AKAP7: variants seen among roughly 807,000 people sequenced by gnomAD.
The protein encoded by AKAP7 is A kinase (PRKA) anchor protein 7.
AKAP7 carries 39 observed loss-of-function variants against 39.5 expected under a neutral mutation model. The ratio of observed to expected loss-of-function variants is 0.99; its 90% confidence interval spans 0.76 to 1.29. The LOEUF (loss-of-function observed/expected upper bound fraction) is 1.29, where lower values mean the gene tolerates loss of function less well. AKAP7 is among the 50% of genes most tolerant of loss of function. The pLI is 0.00. For synonymous variants in AKAP7, 140 were observed against 139.1 expected (o/e 1.01, Z -0.05); for missense variants, 414 against 407.7 (o/e 1.02, Z -0.13).
chr6:131,227,520 G>GT (rs1447817432), intron 7 of AKAP7, among the ~76,000 whole-genome samples: 1 of 152,198 alleles, frequency 6.6e-6, no homozygotes, highest in Non-Finnish European at 1.5e-5. Context: ...CAAGGATGAT[G>GT]TTTAATACTC....
At chr6:131,164,903 A>G (rs1392714523) in intron 3 of AKAP7, among the ~76,000 whole-genome samples, 178 bp from the exon 4 acceptor site, 1 of 152,242 alleles carries the variant, frequency 6.6e-6, no homozygotes, top group Non-Finnish European at 1.5e-5. Context: ...AAGCTGTCCC[A>G]GTCAACTATC....
chr6:131,163,388 T>TA (rs1441180238), intron 3 of AKAP7, among the ~76,000 whole-genome samples: 1 of 152,250 alleles, frequency 6.6e-6, no homozygotes, highest in African/African-American at 2.4e-5. Flanking sequence ...TTAAACTACT[T>TA]ATGAGCTTTT....
At position 131,282,929 on chromosome 6, in the gene AKAP7, A is replaced by G. The variant is rs912722598; in HGVS notation, c.*1203A>G. Reference sequence around the variant, plus strand: ...GAACAAATCATTCACAAACAGAATAAAACAGAGCCAACAACAGTATTTTAA... The same window carrying G: ...GAACAAATCATTCACAAACAGAATAGAACAGAGCCAACAACAGTATTTTAA... On this transcript the variant is annotated 3_prime_UTR_variant, in exon 8 of 8. Coordinates refer to ENST00000431975, the MANE Select transcript of AKAP7 (RefSeq NM_016377.4). 3.0e-5 allele frequency: 6 copies of G among 202,280 alleles called. No homozygotes were observed. The highest frequency in any genetic ancestry group is 5.4e-5 in the Admixed American group (1 of 18,414). 12.5% of individuals were successfully genotyped at this position (202,280 alleles called of 1,614,324 possible).
chr6:131,132,883 A>T (rs1189714475), upstream of AKAP7, among the ~76,000 whole-genome samples: 1 of 152,202 alleles, frequency 6.6e-6, no homozygotes, highest in African/African-American at 2.4e-5. Flanking sequence ...AACCAGGTTT[A>T]TTTACATGGA....
At chr6:131,150,627 T>C (rs937582359) in intron 2 of AKAP7, among the ~76,000 whole-genome samples, 2 of 152,066 alleles carry the variant, frequency 1.3e-5, no homozygotes, top group African/African-American at 4.8e-5. Context: ...AATAAGAAAA[T>C]GAATAAAAAT....
At chr6:131,128,673 T>C in the AKAP7 span, among the ~76,000 whole-genome samples, 2 of 151,796 alleles carry the variant, frequency 1.3e-5, no homozygotes, top group African/African-American at 4.8e-5. Flanking sequence ...GAATACAAAA[T>C]TAGCCAGGCG....
the AKAP7 span, among the ~76,000 whole-genome samples, chr6:131,126,694 G>A: frequency 2.0e-5 from 3 of 152,144 alleles, no homozygotes; most frequent in Non-Finnish European, 4.4e-5. Flanking sequence ...TGCTCGTGGC[G>A]TGAATGGGCC....
At chr6:131,210,035 T>C (rs1808499986) in intron 6 of AKAP7, among the ~76,000 whole-genome samples, 3 of 152,234 alleles carry the variant, frequency 2.0e-5, no homozygotes, top group African/African-American at 7.2e-5. Flanking sequence ...ACTGGAAAGA[T>C]TGGCCAACCA....
intron 2 of AKAP7, among the ~76,000 whole-genome samples, chr6:131,145,707 A>G (rs975585936): frequency 1.3e-5 from 2 of 152,044 alleles, no homozygotes; most frequent in African/African-American, 4.8e-5. Context: ...GTGTGGCACC[A>G]TATGTGGCTA....
chr6:131,258,696 G>T (rs959675490), intron 7 of AKAP7, among the ~76,000 whole-genome samples: 1 of 152,134 alleles, frequency 6.6e-6, no homozygotes, highest in African/African-American at 2.4e-5. Context: ...AAAATATAAA[G>T]AATAAGTATA....
intron 7 of AKAP7, among the ~76,000 whole-genome samples, chr6:131,265,503 T>C (rs973460544): frequency 6.6e-6 from 1 of 152,158 alleles, no homozygotes; most frequent in South Asian, 2.1e-4. Flanking sequence ...AAGTGGGCCA[T>C]AGAGGGGCTG....
intron 2 of AKAP7, 66 bp downstream of exon 2, chr6:131,145,482 T>TA: frequency 9.2e-7 from 1 of 1,083,268 alleles, no homozygotes; most frequent in Non-Finnish European, 1.2e-6. Flanking sequence ...TATATATATA[T>TA]TTTTTTCTTT....
chr6:131,201,208 C>G (rs1807532354), intron 6 of AKAP7, among the ~76,000 whole-genome samples: 2 of 152,144 alleles, frequency 1.3e-5, no homozygotes, highest in Admixed American at 1.3e-4. Flanking sequence ...TTCCCTCCCA[C>G]TGGCCAGCTC....
At chr6:131,259,944 C>T (rs187583415) in intron 7 of AKAP7, among the ~76,000 whole-genome samples, 80 of 136,742 alleles carry the variant, frequency 5.9e-4, no homozygotes, top group Non-Finnish European at 1.2e-3. Context: ...TCCGGATACT[C>T]TCTTGCCCCT....
Position 131,145,305 on chromosome 6 carries a change from T to C in AKAP7, c.40T>C (p.Cys14Arg), listed in dbSNP as rs183420521. ...PEAGGINSNE[C>R]ENVSRKKKMS... Reference sequence around the variant, plus strand: ...TAAAGGAGGAATTAATTCCAATGAGTGTGAAAATGTATCAAGAAAAAAGAA... The same window carrying C: ...TAAAGGAGGAATTAATTCCAATGAGCGTGAAAATGTATCAAGAAAAAAGAA... The change falls in exon 2 of 8, where the codon TGT becomes CGT. Residue 14 changes from cysteine to arginine, a missense_variant. Physicochemically the swap from Cys to Arg is radical, Grantham distance 180. Coordinates refer to ENST00000431975, the MANE Select transcript of AKAP7 (RefSeq NM_016377.4). 1.2e-4 allele frequency: 185 copies of C among 1,533,514 alleles called. 4 individuals are homozygous for C. The East Asian group carries it at 3.6e-3, about 30-fold the overall frequency. The allele number at this position is 1,533,514 out of a possible 1,614,324, so 95.0% of individuals were successfully genotyped here.
At chr6:131,152,898 G>A (rs1802055083) in intron 2 of AKAP7, among the ~76,000 whole-genome samples, 1 of 151,768 alleles carries the variant, frequency 6.6e-6, no homozygotes, top group Admixed American at 6.6e-5. Flanking sequence ...GGAGGCCAGG[G>A]CGGGTGGATC....
Position 131,281,874 on chromosome 6 carries a change from T to C in AKAP7, c.*148T>C. Reference sequence around the variant, plus strand: ...CCTAATACTTTTCATGATCGATGTGTTCGCATTGCTGAAACACAACAGAAG... The same window carrying C: ...CCTAATACTTTTCATGATCGATGTGCTCGCATTGCTGAAACACAACAGAAG... On this transcript the variant is annotated 3_prime_UTR_variant, in exon 8 of 8. Transcript: ENST00000431975. The surrounding 1 kb of genome is among the most constrained non-coding windows in gnomAD (Gnocchi z 4.0). 1 of 1,277,370 alleles carries C rather than the reference T, an allele frequency of 7.8e-7. No homozygotes were observed. The highest frequency in any genetic ancestry group is 3.3e-5 in the South Asian group (1 of 30,370). 79.1% of individuals were successfully genotyped at this position (1,277,370 alleles called of 1,614,324 possible). A position where few individuals can be genotyped will look rare whatever the true frequency, so the allele number is the denominator to read the frequency against.
intron 5 of AKAP7, chr6:131,185,067 C>G: frequency 1.4e-6 from 1 of 704,980 alleles, no homozygotes; most frequent in Non-Finnish European, 2.7e-6. Context: ...CTTGCCCAGG[C>G]TGTCATCATC....
intron 7 of AKAP7, among the ~76,000 whole-genome samples, chr6:131,244,018 T>C (rs1306222496): frequency 6.8e-6 from 1 of 146,308 alleles, no homozygotes; most frequent in Non-Finnish European, 1.5e-5. Flanking sequence ...TTTTTCCAAA[T>C]AAGGTTTTAA....
Sources: gnomAD v4.1 joint callset for allele counts (sites outside exome capture counted in the v4.1 genomes callset) on GRCh38, gnomAD v4.1.1 for gene constraint, Gnocchi (gnomAD v3.1) non-coding constraint, MANE v1.5 for transcripts, NCBI Gene and HGNC (gene_info 2026-07-23, HGNC 2026-07-21) for gene names.